IZUMO1: variants seen among roughly 807,000 people sequenced by gnomAD.
IZUMO1 encodes the protein izumo sperm-oocyte fusion 1.
IZUMO1 carries 44 observed loss-of-function variants against 40.7 expected under a neutral mutation model. That is an observed-to-expected ratio of 1.08 (90% CI 0.85 to 1.39). IZUMO1 has a LOEUF of 1.39. Among genes scored for constraint, IZUMO1 ranks in the 40% most tolerant of loss-of-function variants. The pLI, the probability that IZUMO1 is intolerant of heterozygous loss-of-function variation, is 0.00. For synonymous variants in IZUMO1, 149 were observed against 170.9 expected (o/e 0.87, Z 1.00); for missense variants, 368 against 436.9 (o/e 0.84, Z 1.41).
rs775797094 is a variant in IZUMO1, at chr19:48,745,266, C to CA, written c.257_258insT (p.Ser87ValfsTer15). 6.2e-7 allele frequency: 1 copy of CA among 1,614,022 alleles called. No homozygotes were observed. Among genetic ancestry groups the CA allele is most frequent in the Non-Finnish European group, 8.5e-7 (1 of 1,179,966 alleles). Reference sequence around the variant, plus strand: ...TCAGATCCTTCAGCAAACTCCAGGACCCCTTTTGCAGTGTGGCCTCATCTG... The same window carrying CA: ...TCAGATCCTTCAGCAAACTCCAGGACACCCTTTTGCAGTGTGGCCTCATCTG... On this transcript the variant is annotated frameshift_variant, in exon 3 of 10. Transcript: ENST00000332955. LOFTEE classifies it high-confidence loss of function.
chr19:48,742,306 C>G lies in IZUMO1; in HGVS notation c.503G>C (p.Arg168Pro). 1.2e-6 allele frequency: 2 copies of G among 1,610,092 alleles called. No homozygotes were observed. Among genetic ancestry groups the G allele is most frequent in the Non-Finnish European group, 1.7e-6 (2 of 1,176,412 alleles). Residue 168 changes from arginine (R) to proline (P), a missense_variant, in exon 7 of 10, where the codon CGG (arginine) becomes CCG (proline). Physicochemically the swap from Arg to Pro is moderately radical, Grantham distance 103. Coordinates refer to ENST00000332955, the MANE Select transcript of IZUMO1 (RefSeq NM_182575.3). ...TTCCATTTGAGGAACTTCCACATTC[C>G]GCTCTGGGGGTGGGGGATGACCATG... ...ACRKSYDCGE[R>P]NVEVPQMEDM...
chr19:48,744,212 A>G lies in IZUMO1; in HGVS notation c.398-17T>C. 1 of 1,612,212 alleles carries G rather than the reference A, an allele frequency of 6.2e-7. No homozygotes were observed. The highest frequency in any genetic ancestry group is 1.1e-5 in the South Asian group (1 of 91,028). ...GACAATAAGCTGTGTCAAAAGAGAA[A>G]AAAAGAGAGCAAGAAAGAGATGACA... On this transcript the variant is annotated splice_polypyrimidine_tract_variant and intron_variant, in intron 4 of 9. Transcript: ENST00000332955.
Position 48,744,482 on chromosome 19 carries a change from G to A in IZUMO1, c.368C>T (p.Ala123Val). The change falls in exon 4 of 10, where the codon GCC (alanine) becomes GTC (valine). Residue 123 changes from alanine to valine, a missense_variant. Ala to Val is a moderately conservative substitution (Grantham distance 64). Transcript: ENST00000332955. The part of the protein sequence containing the change: ...WMLHLQKETF[A>V]TYVARFQKEA... ...TTTTTGGAATCGAGCAACATAGGTG[G>A]CAAAGGTTTCCTTTTGCAAGTGCAA... 6.2e-7 allele frequency: 1 copy of A among 1,613,952 alleles called. No individual in the cohort carries two copies. The highest frequency in any genetic ancestry group is 8.5e-7 in the Non-Finnish European group (1 of 1,179,858).
chr19:48,741,427 G>A lies in IZUMO1; in HGVS notation c.806C>T (p.Pro269Leu), dbSNP rs760310289. Reference sequence around the variant, plus strand: ...GGACGACTCCGTGGTCGCCTCCCCCGGGGTTACGATATTTGGAGAAGGTTT... The same window carrying A: ...GGACGACTCCGTGGTCGCCTCCCCCAGGGTTACGATATTTGGAGAAGGTTT... ...EEKPSPNIVT[P>L]GEATTESSIS... is the part of the protein sequence containing the mutation. The change falls in exon 9 of 10, where the codon CCG becomes CTG. Residue 269 changes from proline to leucine, a missense_variant. Coordinates refer to ENST00000332955, the MANE Select transcript of IZUMO1 (RefSeq NM_182575.3). The surrounding 1 kb of genome is among the most constrained non-coding windows in gnomAD (Gnocchi z 4.4). 5 of 1,613,276 alleles carry A rather than the reference G, an allele frequency of 3.1e-6. No individual in the cohort carries two copies. Among genetic ancestry groups the A allele is most frequent in the Middle Eastern group, 1.7e-4 (1 of 5,886 alleles).
In IZUMO1 at chr19:48,745,768, A is replaced by C. The variant is rs1216514130; in HGVS notation, c.92T>G (p.Leu31Arg). Residue 31 changes from leucine (L) to arginine (R), a missense_variant, in exon 2 of 10, where the codon CTG becomes CGG. By Grantham distance (102) the Leu-to-Arg change is moderately radical. Transcript: ENST00000332955. ...GCVICDPSVV[L>R]ALKSLEKDYL... ...ATCTTTCTCCAGGGACTTTAGCGCC[A>C]GCACGACAGACGGGTCACATATAAC... 1 of 1,614,210 alleles carries C rather than the reference A, an allele frequency of 6.2e-7. No individual in the cohort carries two copies. Among genetic ancestry groups the C allele is most frequent in the Admixed American group, 1.7e-5 (1 of 60,020 alleles).
chr19:48,745,357 A>C, intron 2 of IZUMO1, 69 bp from the exon 3 acceptor site: 1 of 1,413,926 alleles, frequency 7.1e-7, no homozygotes, highest in Non-Finnish European at 1.0e-6. Flanking sequence ...CTTAGAAACT[A>C]CAATACCCAT....
Position 48,741,174 on chromosome 19 carries a change from G to T in IZUMO1, c.932+127C>A. On this transcript the variant is annotated intron_variant, in intron 9 of 9. Transcript: ENST00000332955. The surrounding 1 kb of genome is among the most constrained non-coding windows in gnomAD (Gnocchi z 4.4). ...CGAAGTCCTCCTATTCAAGCCCCCC[G>T]CACTCCATCCCCAGGAAAGTCCTGC... 1 of 1,430,144 alleles carries T rather than the reference G, an allele frequency of 7.0e-7. No homozygotes were observed. Among genetic ancestry groups the T allele is most frequent in the Non-Finnish European group, 9.4e-7 (1 of 1,062,722 alleles). The allele number at this position is 1,430,144 out of a possible 1,614,324, so 88.6% of individuals were successfully genotyped here.
rs993186371 is a variant in IZUMO1 at position 48,741,768 on chromosome 19, T to C, written c.754+21A>G. 6.5e-7 allele frequency: 1 copy of C among 1,537,920 alleles called. No homozygotes were observed. Among genetic ancestry groups the C allele is most frequent in the Admixed American group, 2.0e-5 (1 of 49,568 alleles). Reference sequence around the variant, plus strand: ...TCCTGGGCCCTGAATCCTACACTTCTCTCAGCCCCACAGCACTGACCTGTG... The same window carrying C: ...TCCTGGGCCCTGAATCCTACACTTCCCTCAGCCCCACAGCACTGACCTGTG... On this transcript the variant is annotated intron_variant, in intron 8 of 9. Coordinates refer to ENST00000332955, the MANE Select transcript of IZUMO1 (RefSeq NM_182575.3). The surrounding 1 kb of genome is among the most constrained non-coding windows in gnomAD (Gnocchi z 4.4).
chr19:48,745,939 G>A lies in IZUMO1; in HGVS notation c.-73-7C>T, dbSNP rs2033872457. On this transcript the variant is annotated splice_region_variant and splice_polypyrimidine_tract_variant and intron_variant, in intron 1 of 9. Coordinates refer to ENST00000332955, the MANE Select transcript of IZUMO1 (RefSeq NM_182575.3). The stretch of plus-strand genomic sequence containing the variant: ...AACCGAGAGCAGGAGAACGCTAAAC[G>A]GAGAAAAGCCAAAATCCATCTTAAG... 5 of 1,578,234 alleles carry A rather than the reference G, an allele frequency of 3.2e-6. No homozygotes were observed. Among genetic ancestry groups the A allele is most frequent in the South Asian group, 1.1e-5 (1 of 88,026 alleles).
intron 6 of IZUMO1, chr19:48,743,031 C>CT (rs936670322): frequency 5.2e-4 from 85 of 162,132 alleles, no homozygotes; most frequent in South Asian, 5.0e-4. Context: ...CGCCCGGCCT[C>CT]TTTTTTTTCT....
intron 3 of IZUMO1, 39 bp downstream of exon 3, chr19:48,745,175 C>G (rs765131974): frequency 1.9e-6 from 3 of 1,554,198 alleles, no homozygotes; most frequent in Non-Finnish European, 2.7e-6. Flanking sequence ...GCTGGCTTCT[C>G]TGAGAGATTC....
intron 3 of IZUMO1, 82 bp downstream of exon 3, chr19:48,745,132 T>C: frequency 1.7e-6 from 2 of 1,173,158 alleles, no homozygotes; most frequent in Non-Finnish European, 2.6e-6. Context: ...GTCCACAGCC[T>C]AGTATCTGAC....
chr19:48,741,569 G>T lies in IZUMO1; in HGVS notation c.755-91C>A. ...CCCGTCCCAGTAGCCGGCCATCCCA[G>T]AGATAATCACGCCTTCAACAGTGTC... is the stretch of plus-strand genomic sequence containing the variant. On this transcript the variant is annotated intron_variant, in intron 8 of 9. Transcript: ENST00000332955. This position sits in a 1 kb window ranked among gnomAD's most constrained non-coding sequence, Gnocchi z 4.4. 1 of 1,425,994 alleles carries T rather than the reference G, an allele frequency of 7.0e-7. No individual in the cohort carries two copies. Among genetic ancestry groups the T allele is most frequent in the Non-Finnish European group, 9.6e-7 (1 of 1,040,792 alleles). 88.3% of individuals were successfully genotyped at this position (1,425,994 alleles called of 1,614,324 possible).
chr19:48,741,473 G>A lies in IZUMO1; in HGVS notation c.760C>T (p.Pro254Ser). Reference sequence around the variant, plus strand: ...GGTTTTTCCTCCTTGATCATTTTGGGCAACACTGTTAGAGAAAGCGTAAAG... The same window carrying A: ...GGTTTTTCCTCCTTGATCATTTTGGACAACACTGTTAGAGAAAGCGTAAAG... Reference protein sequence around the residue: ...TIINFHVTVLPKMIKEEKPSP... With the variant: ...TIINFHVTVLSKMIKEEKPSP... The change falls in exon 9 of 10, where the codon CCC (proline) becomes TCC (serine). Residue 254 changes from proline (P) to serine (S), a missense_variant. By Grantham distance (74) the Pro-to-Ser change is moderately conservative. Transcript: ENST00000332955. This position sits in a 1 kb window ranked among gnomAD's most constrained non-coding sequence, Gnocchi z 4.4. 1 of 1,609,300 alleles carries A rather than the reference G, an allele frequency of 6.2e-7. No individual in the cohort carries two copies. Among genetic ancestry groups the A allele is most frequent in the Non-Finnish European group, 8.5e-7 (1 of 1,176,306 alleles).
In IZUMO1 at chr19:48,741,775, C is replaced by T; in HGVS notation, c.754+14G>A. The T allele has an allele frequency of 6.5e-7, 1 of 1,544,960 alleles. No homozygotes were observed. The highest frequency in any genetic ancestry group is 8.8e-7 in the Non-Finnish European group (1 of 1,141,410). ...CCCTGAATCCTACACTTCTCTCAGC[C>T]CCACAGCACTGACCTGTGACGTGAA... On this transcript the variant is annotated intron_variant, in intron 8 of 9. Coordinates refer to ENST00000332955, the MANE Select transcript of IZUMO1 (RefSeq NM_182575.3). This position sits in a 1 kb window ranked among gnomAD's most constrained non-coding sequence, Gnocchi z 4.4.
In IZUMO1 at chr19:48,744,177, C is replaced by A. The variant is rs1335198955; in HGVS notation, c.416G>T (p.Cys139Phe). ...TAACTTCTGTAATCCAGACTCACCA[C>A]ATTTGTTGGGACAATAAGCTGTGTC... ...FQKEAYCPNK[C>F]GVMLQTLIWC... The change falls in exon 5 of 10, where the codon TGT (cysteine) becomes TTT (phenylalanine). Residue 139 changes from cysteine (C) to phenylalanine (F), a missense_variant and splice_region_variant. Coordinates refer to ENST00000332955, the MANE Select transcript of IZUMO1 (RefSeq NM_182575.3). 6.2e-7 allele frequency: 1 copy of A among 1,613,380 alleles called. No homozygotes were observed. Among genetic ancestry groups the A allele is most frequent in the Non-Finnish European group, 8.5e-7 (1 of 1,179,450 alleles).
At position 48,741,541 on chromosome 19, in the gene IZUMO1, A is replaced by G; in HGVS notation, c.755-63T>C. On this transcript the variant is annotated intron_variant, in intron 8 of 9. Coordinates refer to ENST00000332955, the MANE Select transcript of IZUMO1 (RefSeq NM_182575.3). This position sits in a 1 kb window ranked among gnomAD's most constrained non-coding sequence, Gnocchi z 4.4. ...GTGGAGTTCCTGCCCTGGCAAAGACAAGCCCGTCCCAGTAGCCGGCCATCC... is the reference window on the plus strand; with the variant it reads ...GTGGAGTTCCTGCCCTGGCAAAGACGAGCCCGTCCCAGTAGCCGGCCATCC... 6.5e-7 allele frequency: 1 copy of G among 1,530,590 alleles called. No individual in the cohort carries two copies. Among genetic ancestry groups the G allele is most frequent in the Non-Finnish European group, 8.9e-7 (1 of 1,121,318 alleles). The allele number at this position is 1,530,590 out of a possible 1,614,324, so 94.8% of individuals were successfully genotyped here. A position where few individuals can be genotyped will look rare whatever the true frequency, so the allele number is the denominator to read the frequency against.
chr19:48,745,582 C>T (rs768319606), intron 2 of IZUMO1, 43 bp downstream of exon 2: 2 of 1,609,216 alleles, frequency 1.2e-6, no homozygotes, highest in Non-Finnish European at 1.7e-6. Flanking sequence ...TTATCTCCCT[C>T]CTTTCCCAGG....
intron 5 of IZUMO1, 156 bp from the exon 6 acceptor site, chr19:48,743,681 C>T: frequency 1.6e-6 from 1 of 645,070 alleles, no homozygotes; most frequent in African/African-American, 1.8e-5. Context: ...AAGTGGGCTC[C>T]AACAAGGCTC....
Sources: allele counts gnomAD v4.1 joint callset, GRCh38; gene constraint gnomAD v4.1.1; non-coding constraint Gnocchi (gnomAD v3.1); transcripts MANE v1.5; gene names NCBI Gene and HGNC (gene_info 2026-07-23, HGNC 2026-07-21).